The following SNAP25 variants were observed in gnomAD, a reference collection of about 807,000 sequenced individuals.
The protein encoded by SNAP25 is synaptosome associated protein 25.
In SNAP25, 3 loss-of-function variants were observed where a neutral mutation model predicts 28.7. The ratio of observed to expected loss-of-function variants is 0.10; its 90% confidence interval spans 0.05 to 0.27. The LOEUF (loss-of-function observed/expected upper bound fraction) is 0.27, where lower values mean the gene tolerates loss of function less well. Among genes scored for constraint, SNAP25 ranks in the 10% least tolerant of loss-of-function variants. The pLI, the probability that SNAP25 is intolerant of heterozygous loss-of-function variation, is 1.00. For synonymous variants in SNAP25, 61 were observed against 88.1 expected (o/e 0.69, Z 1.72); for missense variants, 117 against 278.7 (o/e 0.42, Z 4.13).
chr20:10,287,341 G>C (rs926156492), intron 4 of SNAP25, among the ~76,000 whole-genome samples: 2 of 152,026 alleles, frequency 1.3e-5, no homozygotes, highest in Non-Finnish European at 2.9e-5. Flanking sequence ...ATCAAAAAGT[G>C]GGTGAAGGAC....
intron 1 of SNAP25, among the ~76,000 whole-genome samples, chr20:10,252,467 T>C (rs1023143622): frequency 9.2e-5 from 14 of 152,244 alleles, no homozygotes; most frequent in Non-Finnish European, 1.9e-4. Context: ...TAAAGTAACA[T>C]GTAACTTGTC....
chr20:10,249,686 C>A (rs1431122296), intron 1 of SNAP25, among the ~76,000 whole-genome samples: 1 of 152,078 alleles, frequency 6.6e-6, no homozygotes, highest in Non-Finnish European at 1.5e-5. Context: ...GATAGAAATG[C>A]TGATTCTAAA....
chr20:10,274,662 T>C (rs1364215304), intron 1 of SNAP25, among the ~76,000 whole-genome samples: 2 of 152,018 alleles, frequency 1.3e-5, no homozygotes, highest in Admixed American at 1.3e-4. Context: ...GCCAACACAG[T>C]GAAACCCCGT....
intron 4 of SNAP25, among the ~76,000 whole-genome samples, chr20:10,288,311 G>C (rs2123091721): frequency 6.6e-6 from 1 of 152,188 alleles, no homozygotes; most frequent in East Asian, 1.9e-4. Flanking sequence ...ACTTAGGAAA[G>C]ATTTAGAATA....
intron 5 of SNAP25, among the ~76,000 whole-genome samples, chr20:10,294,791 G>GAAA (rs34820075): frequency 8.2e-6 from 1 of 121,914 alleles, no homozygotes; most frequent in Admixed American, 8.2e-5. Context: ...TAATTCATCA[G>GAAA]AAAAAAAAAA....
At chr20:10,262,114 T>C (rs2063424029) in intron 1 of SNAP25, among the ~76,000 whole-genome samples, 1 of 152,220 alleles carries the variant, frequency 6.6e-6, no homozygotes, top group Non-Finnish European at 1.5e-5. Context: ...AGTAGAGTTT[T>C]AGTTTTGCTA....
At chr20:10,260,724 A>ACACACAC (rs1568597310) in intron 1 of SNAP25, among the ~76,000 whole-genome samples, 2 of 78,414 alleles carry the variant, frequency 2.6e-5, no homozygotes, top group African/African-American at 8.3e-5. Flanking sequence ...CACACACACA[A>ACACACAC]ACACACACAC....
chr20:10,255,224 G>T (rs969341642), intron 1 of SNAP25, among the ~76,000 whole-genome samples: 2 of 152,198 alleles, frequency 1.3e-5, no homozygotes, highest in Admixed American at 6.5e-5. Context: ...AGACTGGATG[G>T]TACTACACAG....
intron 1 of SNAP25, among the ~76,000 whole-genome samples, chr20:10,238,567 T>A (rs781621707): frequency 7.2e-5 from 11 of 152,078 alleles, no homozygotes; most frequent in Non-Finnish European, 1.2e-4. Context: ...CAACTCTATT[T>A]TAGAGTCAAC....
chr20:10,238,999 T>A (rs1045885103), intron 1 of SNAP25, among the ~76,000 whole-genome samples: 1 of 152,136 alleles, frequency 6.6e-6, no homozygotes, highest in Non-Finnish European at 1.5e-5. Flanking sequence ...GAGTAGCAGA[T>A]TCTCTCCATC....
chr20:10,244,375 T>TA (rs1235469872), intron 1 of SNAP25, among the ~76,000 whole-genome samples: 1 of 152,218 alleles, frequency 6.6e-6, no homozygotes, highest in Middle Eastern at 3.2e-3. Context: ...ACTTAGCACT[T>TA]ACTATATGCC....
intron 3 of SNAP25, among the ~76,000 whole-genome samples, chr20:10,281,165 T>A (rs1400929848): frequency 6.6e-6 from 1 of 152,170 alleles, no homozygotes; most frequent in African/African-American, 2.4e-5. Flanking sequence ...AACTCCCCTG[T>A]TTTTAGGTAG....
intron 1 of SNAP25, among the ~76,000 whole-genome samples, chr20:10,256,529 T>C (rs1042263333): frequency 6.6e-6 from 1 of 152,152 alleles, no homozygotes; most frequent in Non-Finnish European, 1.5e-5. Context: ...ACAGATAAAA[T>C]ACTGAGGAAA....
At chr20:10,227,415 T>G (rs933916546) in intron 1 of SNAP25, among the ~76,000 whole-genome samples, 1 of 152,160 alleles carries the variant, frequency 6.6e-6, no homozygotes, top group Non-Finnish European at 1.5e-5. Context: ...GCTACCCCTT[T>G]GCAGAGAAAA....
At chr20:10,274,687 C>CA (rs1223205987) in intron 1 of SNAP25, among the ~76,000 whole-genome samples, 2 of 151,894 alleles carry the variant, frequency 1.3e-5, no homozygotes, top group African/African-American at 2.4e-5. Flanking sequence ...ACTAAAAATA[C>CA]AAAAAATTAG....
intron 1 of SNAP25, among the ~76,000 whole-genome samples, chr20:10,269,487 C>A (rs2063556702): frequency 6.6e-6 from 1 of 152,162 alleles, no homozygotes; most frequent in African/African-American, 2.4e-5. Flanking sequence ...TTTACAGACA[C>A]ATATGAACAG....
intron 1 of SNAP25, among the ~76,000 whole-genome samples, chr20:10,230,654 C>T (rs534695543): frequency 6.6e-6 from 1 of 152,228 alleles, no homozygotes; most frequent in South Asian, 2.1e-4. Context: ...AACCACTGCC[C>T]TAGAGATCTT....
chr20:10,250,919 C>T (rs1364030675), intron 1 of SNAP25, among the ~76,000 whole-genome samples: 1 of 152,130 alleles, frequency 6.6e-6, no homozygotes, highest in Non-Finnish European at 1.5e-5. Context: ...GAGCAATAGG[C>T]TATACCATAT....
chr20:10,234,081 T>G (rs908780488), intron 1 of SNAP25, among the ~76,000 whole-genome samples: 3 of 152,218 alleles, frequency 2.0e-5, no homozygotes, highest in African/African-American at 7.2e-5. Context: ...TAGATAGACT[T>G]AAGTTTTTTC....
Sources: allele counts gnomAD v4.1 joint callset (sites outside exome capture counted in the v4.1 genomes callset), GRCh38; gene constraint gnomAD v4.1.1; transcripts MANE v1.5; gene names NCBI Gene and HGNC (gene_info 2026-07-23, HGNC 2026-07-21).